PAX7: variants seen among roughly 807,000 people sequenced by gnomAD.
PAX7 encodes the protein paired box protein Pax-7.
A neutral mutation model predicts 50.7 loss-of-function variants in PAX7; 18 were observed. The ratio of observed to expected loss-of-function variants is 0.36; its 90% CI spans 0.25 to 0.53. PAX7 has a LOEUF of 0.53. Ranked by LOEUF, PAX7 falls within the 20% of genes least tolerant of loss-of-function variation. The pLI is 0.93. For synonymous variants in PAX7, 310 were observed against 290.4 expected, an observed-to-expected ratio of 1.07 and a Z score of -0.69; for missense variants, 644 against 702.9, an observed-to-expected ratio of 0.92 and a Z score of 0.95.
In PAX7 at chr1:18,735,219, G is replaced by C. The variant is rs1196934242; in HGVS notation, c.1156-413G>C. Among the ~76,000 whole-genome samples the C allele has an allele frequency of 3.9e-5, 6 of 152,208 alleles. No homozygotes were observed. Among genetic ancestry groups the C allele is most frequent in the Non-Finnish European group, 8.8e-5 (6 of 68,026 alleles). ...GATGGGGCCATCCCAGTCTGATGGG[G>C]GAGGCACAGTTCTCTGAGCTTGGAG... On this transcript the variant is annotated intron_variant, in intron 7 of 8. Transcript: ENST00000420770. The surrounding 1 kb of genome is among the most constrained non-coding windows in gnomAD (Gnocchi z 4.0).
rs1483407831 is a variant in PAX7 at position 18,691,941 on chromosome 1, G to A, written c.774G>A (p.Glu258=). The A allele has an allele frequency of 7.4e-6, 12 of 1,613,504 alleles. No homozygotes were observed. Among genetic ancestry groups the A allele is most frequent in the Non-Finnish European group, 1.0e-5 (12 of 1,179,804 alleles). ...EELAQRTKLT[E]ARVQVWFSNR... ...TGGCGCAGAGGACCAAGCTGACAGAGGCGCGTGTGCAGGTGAGGAGGCACC... is the reference window on the plus strand; with the variant it reads ...TGGCGCAGAGGACCAAGCTGACAGAAGCGCGTGTGCAGGTGAGGAGGCACC... The change falls in exon 5 of 9, where the codon GAG becomes GAA. Residue 258 remains glutamate (E), a synonymous_variant. Transcript: ENST00000420770.
intron 7 of PAX7, among the ~76,000 whole-genome samples, chr1:18,716,844 C>G (rs889088005): frequency 2.5e-4 from 35 of 139,398 alleles, no homozygotes; most frequent in African/African-American, 1.1e-3. Flanking sequence ...CCCTGCGCGC[C>G]CCCCTTGCCC....
chr1:18,694,227 C>A (rs1032654873), intron 5 of PAX7, among the ~76,000 whole-genome samples: 4 of 152,134 alleles, frequency 2.6e-5, no homozygotes, highest in African/African-American at 7.2e-5. Context: ...TTTGGGAGGC[C>A]GAGGCAGGTG....
rs1256359596 is a variant in PAX7 at position 18,668,244 on chromosome 1, C to T, written c.587-23510C>T. On this transcript the variant is annotated intron_variant, in intron 4 of 8. Coordinates refer to ENST00000420770, the MANE Select transcript of PAX7 (RefSeq NM_001135254.2). ...GTCAGAGCTGTGGATATTCCAGCCA[C>T]ATTAGATGCCTGAGCCACACCCTCT... Among the ~76,000 whole-genome samples, 4 of 152,182 alleles carry T rather than the reference C, an allele frequency of 2.6e-5. No individual in the cohort carries two copies. The East Asian group carries it at 5.8e-4, about 22-fold the overall frequency.
rs757502773 is a variant in PAX7, at chr1:18,691,775, C to T, written c.608C>T (p.Ser203Leu). 1.4e-5 allele frequency: 22 copies of T among 1,590,220 alleles called. No individual in the cohort carries two copies. In the East Asian group the frequency reaches 2.1e-4, roughly 15 times the overall value. The change falls in exon 5 of 9, where the codon TCG becomes TTG. Residue 203 changes from serine (S) to leucine (L), a missense_variant. Ser to Leu is a moderately radical substitution (Grantham distance 145). Transcript: ENST00000420770. Reference sequence around the variant, plus strand: ...GTAGGGAACCGGCTGGACGAGGGCTCGGATGTGGAGTCGGAACCTGACCTC... The same window carrying T: ...GTAGGGAACCGGCTGGACGAGGGCTTGGATGTGGAGTCGGAACCTGACCTC... ...GDKGNRLDEG[S>L]DVESEPDLPL...
intron 7 of PAX7, among the ~76,000 whole-genome samples, chr1:18,714,340 C>T (rs1256734217): frequency 6.6e-6 from 1 of 152,156 alleles, no homozygotes; most frequent in African/African-American, 2.4e-5. Context: ...GAAATGGGGC[C>T]TCTGCCACTC....
intron 5 of PAX7, among the ~76,000 whole-genome samples, chr1:18,698,042 C>A (rs1236588100): frequency 2.0e-5 from 3 of 152,158 alleles, no homozygotes; most frequent in South Asian, 2.1e-4. Flanking sequence ...AAGAATGCAT[C>A]CAACTTTATT....
At chr1:18,736,516 A>G (rs1311241136) in intron 8 of PAX7, among the ~76,000 whole-genome samples, 1 of 151,916 alleles carries the variant, frequency 6.6e-6, no homozygotes, top group Non-Finnish European at 1.5e-5. Flanking sequence ...TATTTTTACT[A>G]ACATTTTATT....
At chr1:18,703,345 G>A in intron 7 of PAX7, 49 bp downstream of exon 7, 1 of 1,503,846 alleles carries the variant, frequency 6.6e-7, no homozygotes, top group Middle Eastern at 1.7e-4. Context: ...ACGAAAGTCA[G>A]ACATCTGCAG....
At chr1:18,633,397 C>CCTG (rs2088089772) in intron 1 of PAX7, among the ~76,000 whole-genome samples, 1 of 152,202 alleles carries the variant, frequency 6.6e-6, no homozygotes, top group African/African-American at 2.4e-5. Flanking sequence ...GGCAACCAGG[C>CCTG]GTTCTCCCCT....
At chr1:18,696,566 T>TA (rs1400922308) in intron 5 of PAX7, among the ~76,000 whole-genome samples, 5 of 152,188 alleles carry the variant, frequency 3.3e-5, no homozygotes, top group African/African-American at 1.2e-4. Context: ...TATTCAGCCA[T>TA]AAAAAAGAAT....
At chr1:18,668,004 A>C (rs2088694184) in intron 4 of PAX7, among the ~76,000 whole-genome samples, 1 of 152,088 alleles carries the variant, frequency 6.6e-6, no homozygotes, top group African/African-American at 2.4e-5. Context: ...CGAGTAAAAT[A>C]TGGGAAACTT....
intron 7 of PAX7, among the ~76,000 whole-genome samples, chr1:18,725,335 A>C (rs115776696): frequency 0.042 from 5,660 of 136,244 alleles, 390 homozygotes; most frequent in African/African-American, 0.14. Flanking sequence ...CCGCCAGGCC[A>C]GGGGGGCCTG....
chr1:18,633,973 A>G (rs961616679), intron 1 of PAX7, among the ~76,000 whole-genome samples: 7 of 151,986 alleles, frequency 4.6e-5, no homozygotes, highest in African/African-American at 1.2e-4. Flanking sequence ...TCTCATCTTC[A>G]TCTCTCTCCC....
At chr1:18,722,471 A>G (rs1288267952) in intron 7 of PAX7, among the ~76,000 whole-genome samples, 1 of 152,126 alleles carries the variant, frequency 6.6e-6, no homozygotes, top group Non-Finnish European at 1.5e-5. Flanking sequence ...CTAATTTCGT[A>G]GCTGCCTTTA....
rs2088075538 is a variant in PAX7, at chr1:18,632,739, C to A, written c.85+1051C>A. On this transcript the variant is annotated intron_variant, in intron 1 of 8. Transcript: ENST00000420770. This position sits in a 1 kb window ranked among gnomAD's most constrained non-coding sequence, Gnocchi z 6.3. ...GGGAGGGGGTGGGTGGGCTGGCAGC[C>A]TGCGATCCGGGAGGAGCTCCCTTGG... Among the ~76,000 whole-genome samples, 2 of 151,594 alleles carry A rather than the reference C, an allele frequency of 1.3e-5. No individual in the cohort carries two copies. Among genetic ancestry groups the A allele is most frequent in the South Asian group, 4.2e-4 (2 of 4,798 alleles).
chr1:18,693,344 G>A (rs372973010), intron 5 of PAX7, among the ~76,000 whole-genome samples: 2 of 152,132 alleles, frequency 1.3e-5, no homozygotes. Flanking sequence ...CCACCTTGTC[G>A]GGTCAGCGTG....
At chr1:18,651,088 G>GC (rs1209066358) in intron 4 of PAX7, among the ~76,000 whole-genome samples, 1 of 152,096 alleles carries the variant, frequency 6.6e-6, no homozygotes, top group Non-Finnish European at 1.5e-5. Flanking sequence ...CCCCATTGCT[G>GC]CCCCCACCAT....
intron 7 of PAX7, among the ~76,000 whole-genome samples, chr1:18,728,484 C>T (rs2236808): frequency 0.4 from 59,985 of 151,646 alleles, 12,100 homozygotes; most frequent in Non-Finnish European, 0.44. Context: ...TGGTATTACG[C>T]GTGTGTAGCA....
Sources: allele counts gnomAD v4.1 joint callset (sites outside exome capture counted in the v4.1 genomes callset), GRCh38; gene constraint gnomAD v4.1.1; non-coding constraint Gnocchi (gnomAD v3.1); transcripts MANE v1.5; gene names NCBI Gene and HGNC (gene_info 2026-07-23, HGNC 2026-07-21).